MEMO1: variants seen among roughly 807,000 people sequenced by gnomAD.
MEMO1 encodes protein MEMO1.
In MEMO1, 6 loss-of-function variants were observed where a neutral mutation model predicts 45.2. That is an observed-to-expected ratio of 0.13 (90% CI 0.07 to 0.26). MEMO1 has a LOEUF of 0.26. MEMO1 is among the 10% of genes least tolerant of loss of function. The pLI is 1.00. For synonymous variants in MEMO1, 78 were observed against 124.3 expected (o/e 0.63, Z 2.48); for missense variants, 184 against 370.5 (o/e 0.50, Z 4.13).
chr2:31,931,361 G>A (rs371807423), intron 4 of MEMO1, among the ~76,000 whole-genome samples: 1 of 152,034 alleles, frequency 6.6e-6, no homozygotes, highest in South Asian at 2.1e-4. Context: ...GTATTTGACA[G>A]AACTAAGATG....
At chr2:31,934,063 T>C (rs533355896) in intron 3 of MEMO1, among the ~76,000 whole-genome samples, 1 of 152,326 alleles carries the variant, frequency 6.6e-6, no homozygotes, top group East Asian at 1.9e-4. Flanking sequence ...TGCCTGTCCA[T>C]GTGGACCTTA....
intron 8 of MEMO1, among the ~76,000 whole-genome samples, chr2:31,881,379 C>T (rs148701169): frequency 2.6e-5 from 4 of 151,138 alleles, no homozygotes; most frequent in African/African-American, 9.7e-5. Flanking sequence ...TCTGTGCTCC[C>T]GGCCACTCAG....
chr2:31,962,336 G>C (rs1184170007), intron 2 of MEMO1, among the ~76,000 whole-genome samples: 2 of 152,112 alleles, frequency 1.3e-5, no homozygotes, highest in Admixed American at 1.3e-4. Flanking sequence ...GCTGCAGTGA[G>C]CCAAGATCAT....
intron 2 of MEMO1, among the ~76,000 whole-genome samples, chr2:31,953,381 A>C (rs1373157733): frequency 1.2e-4 from 18 of 152,192 alleles, no homozygotes; most frequent in African/African-American, 4.3e-4. Context: ...AAAAAAAAAA[A>C]AAAACACAAT....
intron 1 of MEMO1, 133 bp from the exon 2 acceptor site, chr2:32,010,397 G>A (rs961350638): frequency 4.8e-6 from 2 of 412,704 alleles, no homozygotes; most frequent in Non-Finnish European, 9.0e-6. Flanking sequence ...CCCAGGAGGA[G>A]GAGGAAGAGG....
chr2:32,002,186 T>TATACAC (rs753352927), intron 2 of MEMO1, among the ~76,000 whole-genome samples: 74 of 116,048 alleles, frequency 6.4e-4, no homozygotes, highest in African/African-American at 2.5e-3. Flanking sequence ...TATATATATA[T>TATACAC]ACACACACAC....
chr2:31,933,348 A>T (rs868101597), intron 3 of MEMO1, among the ~76,000 whole-genome samples: 672 of 15,650 alleles, frequency 0.043, 14 homozygotes, highest in African/African-American at 0.14. Flanking sequence ...AAAAAAAAAA[A>T]ATTTATATAT....
chr2:31,957,295 A>T (rs1237489531), intron 2 of MEMO1, among the ~76,000 whole-genome samples: 2 of 152,232 alleles, frequency 1.3e-5, no homozygotes, highest in African/African-American at 4.8e-5. Context: ...GTAATAAAAA[A>T]TATGGTGCAA....
intron 2 of MEMO1, among the ~76,000 whole-genome samples, chr2:31,965,566 A>G (rs1668521783): frequency 6.6e-6 from 1 of 152,160 alleles, no homozygotes; most frequent in Non-Finnish European, 1.5e-5. Context: ...ATGAAGATAA[A>G]GCCAGAAATA....
chr2:31,923,728 G>T (rs763362533), intron 4 of MEMO1: 19 of 1,537,638 alleles, frequency 1.2e-5, no homozygotes, highest in Admixed American at 4.1e-5. Flanking sequence ...GAGCACTCCT[G>T]GAAAATCTGA....
At chr2:31,942,090 T>C (rs1042783776) in intron 3 of MEMO1, among the ~76,000 whole-genome samples, 2 of 152,222 alleles carry the variant, frequency 1.3e-5, no homozygotes, top group African/African-American at 4.8e-5. Flanking sequence ...CAATATGTTG[T>C]GAAGGTTAGC....
chr2:31,967,342 T>A (rs955047221), intron 2 of MEMO1, among the ~76,000 whole-genome samples: 20 of 152,136 alleles, frequency 1.3e-4, no homozygotes, highest in African/African-American at 4.8e-4. Context: ...AGCCAGGATG[T>A]CTCGATCTCC....
At chr2:31,950,667 G>A (rs1043325750) in intron 2 of MEMO1, among the ~76,000 whole-genome samples, 2 of 150,796 alleles carry the variant, frequency 1.3e-5, no homozygotes, top group African/African-American at 4.9e-5. Context: ...GTTGCAGTGA[G>A]CTGAGATAAC....
chr2:31,931,895 G>A (rs1314220223), intron 4 of MEMO1, among the ~76,000 whole-genome samples, 172 bp downstream of exon 4: 1 of 152,082 alleles, frequency 6.6e-6, no homozygotes, highest in Non-Finnish European at 1.5e-5. Flanking sequence ...CAACAAAAAA[G>A]AAGTATTGAA....
intron 6 of MEMO1, among the ~76,000 whole-genome samples, chr2:31,896,085 C>T (rs551025281): frequency 1.3e-3 from 191 of 151,950 alleles, no homozygotes; most frequent in African/African-American, 4.1e-3. Context: ...CCTCGTGATC[C>T]GCCCGCCTCA....
intron 6 of MEMO1, among the ~76,000 whole-genome samples, chr2:31,904,605 CT>C (rs1679397138): frequency 6.6e-6 from 1 of 152,162 alleles, no homozygotes; most frequent in Admixed American, 6.5e-5. Flanking sequence ...CAACCTAATG[CT>C]GCCACTGATC....
At chr2:31,946,898 T>C (rs1309841881) in intron 2 of MEMO1, among the ~76,000 whole-genome samples, 12 of 152,162 alleles carry the variant, frequency 7.9e-5, no homozygotes, top group Non-Finnish European at 1.5e-4. Context: ...TTTTCTATGT[T>C]TACATACACA....
intron 8 of MEMO1, among the ~76,000 whole-genome samples, chr2:31,871,010 C>A (rs1673630658): frequency 6.6e-6 from 1 of 152,174 alleles, no homozygotes; most frequent in Non-Finnish European, 1.5e-5. Context: ...GTTAAAACAA[C>A]CACTATGACT....
At chr2:31,935,915 C>T (rs576503522) in intron 3 of MEMO1, among the ~76,000 whole-genome samples, 1 of 152,110 alleles carries the variant, frequency 6.6e-6, no homozygotes, top group East Asian at 1.9e-4. Flanking sequence ...TTCTAATATG[C>T]ACTGTAAAAG....
Sources: gnomAD v4.1 joint callset for allele counts (sites outside exome capture counted in the v4.1 genomes callset) on GRCh38, gnomAD v4.1.1 for gene constraint, MANE v1.5 for transcripts, NCBI Gene and HGNC (gene_info 2026-07-23, HGNC 2026-07-21) for gene names.